The following AGBL1 variants were observed in gnomAD, a reference collection of about 807,000 sequenced individuals.
AGBL1 encodes the protein cytosolic carboxypeptidase 4.
In AGBL1, 130 loss-of-function variants were observed where a neutral mutation model predicts 118.9. The observed-to-expected ratio is 1.09, with a 90% CI of 0.95 to 1.26. The LOEUF (loss-of-function observed/expected upper bound fraction) is 1.26. Among genes scored for constraint, AGBL1 ranks in the 50% most tolerant of loss-of-function variants. The probability of loss-of-function intolerance (pLI) is 0.00; values close to 1 mark genes in which losing one functional copy is unlikely to be tolerated. For synonymous variants in AGBL1, 555 were observed against 478.9 expected (o/e 1.16, Z -2.08); for missense variants, 1,584 against 1,298.1 (o/e 1.22, Z -3.38).
chr15:86,397,463 TG>T lies in AGBL1; in HGVS notation c.2473del (p.Asp825ThrfsTer7). 1 of 1,613,142 alleles carries T rather than the reference TG, an allele frequency of 6.2e-7. No individual in the cohort carries two copies. Among genetic ancestry groups the T allele is most frequent in the Non-Finnish European group, 8.5e-7 (1 of 1,179,382 alleles). ...GTACCTTGGAGTTCCTGGTCAGCAG[TG>T]ACCCTGTGGCTAGGCTCTTGAGGGA... ...KGTLEFLVSSDPVARLLRENF... is the reference protein window; with the variant it reads ...KGTLEFLVSSXPVARLLRENF... On this transcript the variant is annotated frameshift_variant, in exon 18 of 23. Coordinates refer to ENST00000614907, the MANE Select transcript of AGBL1 (RefSeq NM_001386094.1). LOFTEE classifies it high-confidence loss of function.
chr15:86,758,946 C>G (rs2077981392), intron 22 of AGBL1, among the ~76,000 whole-genome samples: 1 of 136,362 alleles, frequency 7.3e-6, no homozygotes, highest in Admixed American at 8.2e-5. Flanking sequence ...GCACTCCAGC[C>G]TGGATGACAG....
chr15:86,391,017 TAAAAAAA>T (rs985288925), intron 17 of AGBL1, among the ~76,000 whole-genome samples: 18 of 121,044 alleles, frequency 1.5e-4, no homozygotes, highest in Non-Finnish European at 2.7e-4. Flanking sequence ...ACTATGGTGA[TAAAAAAA>T]AAAAAAAAGG....
At chr15:86,962,213 T>G (rs16978125) in intron 23 of AGBL1, among the ~76,000 whole-genome samples, 2 of 134,334 alleles carry the variant, frequency 1.5e-5, no homozygotes, top group Non-Finnish European at 3.4e-5. Flanking sequence ...AAGTGTTAAA[T>G]GTAAGCCTCA....
chr15:86,769,090 C>G lies in AGBL1; in HGVS notation c.3158+94654C>G, dbSNP rs968400503. On this transcript the variant is annotated intron_variant, in intron 22 of 22. Coordinates refer to ENST00000614907, the MANE Select transcript of AGBL1 (RefSeq NM_001386094.1). ...GTCCAATCCTTGGATCCAGTGAGGG[C>G]TTGATGGGACCTGTACATGCAATGG... Among the ~76,000 whole-genome samples, 7 of 151,424 alleles carry G rather than the reference C, an allele frequency of 4.6e-5. No homozygotes were observed. In the East Asian group the frequency reaches 9.8e-4, roughly 21 times the overall value.
chr15:86,469,439 T>TTGTA (rs1202857032), intron 18 of AGBL1, among the ~76,000 whole-genome samples: 1 of 152,200 alleles, frequency 6.6e-6, no homozygotes, highest in Non-Finnish European at 1.5e-5. Context: ...TACTATTTCA[T>TTGTA]TGTATGTATG....
At chr15:86,364,360 TA>T (rs2080848136) in intron 17 of AGBL1, among the ~76,000 whole-genome samples, 2 of 152,224 alleles carry the variant, frequency 1.3e-5, no homozygotes, top group Admixed American at 1.3e-4. Flanking sequence ...TATAATTTGA[TA>T]GTTACATTAA....
intron 23 of AGBL1, among the ~76,000 whole-genome samples, chr15:86,972,837 A>G (rs367843025): frequency 7.9e-4 from 120 of 152,086 alleles, no homozygotes; most frequent in Middle Eastern, 3.4e-3. Flanking sequence ...GTTTTTCACA[A>G]TCTGACAAGT....
chr15:86,892,021 T>C (rs2080059505), intron 22 of AGBL1, among the ~76,000 whole-genome samples: 1 of 152,212 alleles, frequency 6.6e-6, no homozygotes, highest in Admixed American at 6.6e-5. Flanking sequence ...CAGCCTCTTA[T>C]ATATCTTTTC....
At chr15:86,860,945 C>T (rs958524903) in intron 22 of AGBL1, among the ~76,000 whole-genome samples, 11 of 152,056 alleles carry the variant, frequency 7.2e-5, no homozygotes, top group African/African-American at 2.7e-4. Context: ...CCTCCCCAGC[C>T]CAGGCAGGGG....
chr15:86,841,582 G>A (rs8026069), intron 22 of AGBL1, among the ~76,000 whole-genome samples: 98,890 of 151,996 alleles, frequency 0.65, 32,438 homozygotes, highest in East Asian at 0.85. Context: ...GCAGTGGCTC[G>A]TGCCTATAAT....
chr15:86,737,282 G>A (rs772597525), intron 22 of AGBL1, among the ~76,000 whole-genome samples: 4 of 152,124 alleles, frequency 2.6e-5, no homozygotes, highest in Non-Finnish European at 5.9e-5. Flanking sequence ...GCCTGATCAG[G>A]TGAAAGGATT....
intron 22 of AGBL1, among the ~76,000 whole-genome samples, chr15:86,838,941 T>TTA (rs1269304671): frequency 4.2e-5 from 2 of 48,008 alleles, no homozygotes; most frequent in Admixed American, 3.7e-4. Flanking sequence ...TGAGATCCTG[T>TTA]AAAAAAAAAA....
rs182832246 is a variant in AGBL1 at position 86,658,715 on chromosome 15, A to C, written c.2995-15558A>C. On this transcript the variant is annotated intron_variant, in intron 21 of 22. Coordinates refer to ENST00000614907, the MANE Select transcript of AGBL1 (RefSeq NM_001386094.1). ...TGTGGATACAGAAAGCCATAGCCAG[A>C]GTTCCTAGGCTGGTGGGTGTTTCTG... 2.8e-3 allele frequency among the ~76,000 whole-genome samples: 434 copies of C among 152,286 alleles called. 3 individuals carry two copies. Among genetic ancestry groups the C allele is most frequent in the Non-Finnish European group, 4.1e-3 (279 of 68,024 alleles).
At chr15:86,833,721 C>A (rs556666874) in intron 22 of AGBL1, among the ~76,000 whole-genome samples, 1 of 152,130 alleles carries the variant, frequency 6.6e-6, no homozygotes, top group Non-Finnish European at 1.5e-5. Context: ...AACAACATCA[C>A]GAACAGCTGG....
At chr15:86,090,331 T>C (rs1454869668) in intron 1 of AGBL1, among the ~76,000 whole-genome samples, 2 of 152,216 alleles carry the variant, frequency 1.3e-5, no homozygotes, top group Non-Finnish European at 2.9e-5. Context: ...ATTTAATTAA[T>C]ATGTAGATGT....
intron 16 of AGBL1, among the ~76,000 whole-genome samples, chr15:86,287,768 T>A (rs2079478022): frequency 6.6e-6 from 1 of 151,388 alleles, no homozygotes; most frequent in East Asian, 2.0e-4. Context: ...AGAGAGAGAG[T>A]GAGCTCATAG....
At chr15:86,095,353 C>T (rs984284560) in intron 1 of AGBL1, among the ~76,000 whole-genome samples, 3 of 152,094 alleles carry the variant, frequency 2.0e-5, no homozygotes, top group African/African-American at 7.2e-5. Context: ...CTGAAAGTTC[C>T]AACCCTCCAA....
intron 22 of AGBL1, among the ~76,000 whole-genome samples, chr15:86,707,690 A>G (rs926251328): frequency 9.2e-5 from 14 of 152,176 alleles, no homozygotes; most frequent in Admixed American, 4.6e-4. Flanking sequence ...GACTTTCTTT[A>G]TAAAATATTG....
At chr15:86,875,866 C>A (rs1352083608) in intron 22 of AGBL1, among the ~76,000 whole-genome samples, 5 of 152,076 alleles carry the variant, frequency 3.3e-5, no homozygotes. Flanking sequence ...GCTGAGATAC[C>A]ACCTCACCTC....
Sources: allele counts gnomAD v4.1 joint callset (sites outside exome capture counted in the v4.1 genomes callset), GRCh38; gene constraint gnomAD v4.1.1; transcripts MANE v1.5; gene names NCBI Gene and HGNC (gene_info 2026-07-23, HGNC 2026-07-21).